Variants in CNTN5 observed in about 807,000 individuals in gnomAD.
CNTN5 encodes contactin-5.
Under a neutral mutation model 129.1 loss-of-function variants are expected in CNTN5, and 77 were observed. The ratio of observed to expected loss-of-function variants is 0.60; its 90% CI spans 0.50 to 0.72. The LOEUF (loss-of-function observed/expected upper bound fraction) is 0.72. Among genes scored for constraint, CNTN5 ranks in the 30% least tolerant of loss-of-function variants. The pLI is 0.00. For missense variants in CNTN5, 1,478 were observed against 1,328.8 expected (o/e 1.11, Z -1.75); for synonymous variants, 509 against 465.6 (o/e 1.09, Z -1.20).
intron 2 of CNTN5, among the ~76,000 whole-genome samples, chr11:99,505,050 C>T (rs980856931): frequency 2.0e-5 from 3 of 152,168 alleles, no homozygotes; most frequent in Non-Finnish European, 2.9e-5. Context: ...TTCTGGTTGA[C>T]TTTATGTCTA....
chr11:99,657,547 CAATT>C (rs1952422807), intron 3 of CNTN5, among the ~76,000 whole-genome samples: 1 of 152,014 alleles, frequency 6.6e-6, no homozygotes, highest in Non-Finnish European at 1.5e-5. Flanking sequence ...CCAGTAATGA[CAATT>C]TATTTAAAAA....
chr11:99,502,068 G>A (rs902900035), intron 2 of CNTN5, among the ~76,000 whole-genome samples: 3 of 151,948 alleles, frequency 2.0e-5, no homozygotes, highest in East Asian at 1.9e-4. Context: ...TCTAATCTTC[G>A]GCCTCATAAC....
At chr11:99,265,077 T>G (rs772167981) in intron 1 of CNTN5, among the ~76,000 whole-genome samples, 1 of 151,982 alleles carries the variant, frequency 6.6e-6, no homozygotes, top group African/African-American at 2.4e-5. Context: ...AAAACTTAGG[T>G]GTGCTCCATG....
At chr11:100,075,430 G>C (rs1944089675) in intron 13 of CNTN5, among the ~76,000 whole-genome samples, 1 of 152,108 alleles carries the variant, frequency 6.6e-6, no homozygotes. Context: ...GCTAACAAGA[G>C]AAAAACATAA....
intron 1 of CNTN5, among the ~76,000 whole-genome samples, chr11:99,247,428 C>G (rs962629538): frequency 6.6e-6 from 1 of 151,640 alleles, no homozygotes; most frequent in African/African-American, 2.4e-5. Context: ...AAATATACAG[C>G]CTTTGTAAGC....
At chr11:99,038,264 A>G (rs1030625236) in intron 1 of CNTN5, among the ~76,000 whole-genome samples, 2 of 152,182 alleles carry the variant, frequency 1.3e-5, no homozygotes, top group African/African-American at 2.4e-5. Flanking sequence ...TAAAGAAATT[A>G]TGATAAAAGT....
chr11:99,231,710 T>G (rs556502285), intron 1 of CNTN5, among the ~76,000 whole-genome samples: 1 of 152,322 alleles, frequency 6.6e-6, no homozygotes, highest in South Asian at 2.1e-4. Context: ...ATTTTTGTCA[T>G]GAAATCTTTG....
At chr11:99,841,582 A>G (rs1033226251) in intron 4 of CNTN5, among the ~76,000 whole-genome samples, 13 of 151,460 alleles carry the variant, frequency 8.6e-5, no homozygotes, top group South Asian at 6.2e-4. Context: ...AGTGAGAAAA[A>G]GGGGAGGAGG....
intron 1 of CNTN5, among the ~76,000 whole-genome samples, chr11:99,199,194 C>CTTCAAAAATTT (rs1162215982): frequency 6.6e-6 from 1 of 151,996 alleles, no homozygotes; most frequent in Non-Finnish European, 1.5e-5. Flanking sequence ...ACATCAAAGT[C>CTTCAAAAATTT]TTCAAAAATT....
chr11:99,874,106 T>TA (rs1313552086), intron 6 of CNTN5, among the ~76,000 whole-genome samples: 1 of 152,136 alleles, frequency 6.6e-6, no homozygotes, highest in Non-Finnish European at 1.5e-5. Context: ...CTACCAGGTA[T>TA]AATGTTCACT....
At chr11:99,673,029 T>A (rs183940324) in intron 3 of CNTN5, among the ~76,000 whole-genome samples, 34 of 152,228 alleles carry the variant, frequency 2.2e-4, no homozygotes, top group Admixed American at 1.6e-3. Context: ...CCTTACAGAA[T>A]GGCCATTGAC....
At chr11:99,616,200 C>T (rs567035445) in intron 3 of CNTN5, among the ~76,000 whole-genome samples, 18 of 152,166 alleles carry the variant, frequency 1.2e-4, no homozygotes, top group Non-Finnish European at 2.6e-4. Flanking sequence ...TATAAGTCCG[C>T]TCTGTTCCCT....
chr11:99,515,392 C>T (rs761412690), intron 2 of CNTN5, among the ~76,000 whole-genome samples: 10 of 151,984 alleles, frequency 6.6e-5, no homozygotes, highest in Non-Finnish European at 1.3e-4. Flanking sequence ...GAAATACTAG[C>T]TATGGGATTC....
intron 13 of CNTN5, among the ~76,000 whole-genome samples, chr11:100,084,679 G>GAGGT (rs773213930): frequency 2.6e-5 from 4 of 151,954 alleles, no homozygotes; most frequent in Admixed American, 6.6e-5. Flanking sequence ...GAAAAAAAAA[G>GAGGT]AGGTAGGTAG....
intron 1 of CNTN5, among the ~76,000 whole-genome samples, chr11:99,156,658 G>A (rs775373989): frequency 6.6e-6 from 1 of 151,752 alleles, no homozygotes; most frequent in Non-Finnish European, 1.5e-5. Context: ...TTATATATCT[G>A]TTAACCTTTT....
chr11:100,139,762 G>T (rs1002812271), intron 13 of CNTN5, among the ~76,000 whole-genome samples: 6 of 152,190 alleles, frequency 3.9e-5, no homozygotes, highest in African/African-American at 1.4e-4. Flanking sequence ...TACTCGGGAG[G>T]CTGAGGCAGG....
intron 13 of CNTN5, among the ~76,000 whole-genome samples, chr11:100,151,446 G>C (rs1947051542): frequency 6.6e-6 from 1 of 152,006 alleles, no homozygotes; most frequent in Admixed American, 6.6e-5. Context: ...GGAGATTATA[G>C]AAACTCTAGT....
At position 99,466,173 on chromosome 11, in the gene CNTN5, T is replaced by C. The variant is rs1591108658; in HGVS notation, c.-70-89972T>C. On this transcript the variant is annotated intron_variant, in intron 2 of 24. Coordinates refer to ENST00000524871, the MANE Select transcript of CNTN5 (RefSeq NM_014361.4). Reference sequence around the variant, plus strand: ...CTGGGATTACAGGCTTGAGCCACTGTGCCCGGCTGATGTCACTTTTAAACA... The same window carrying C: ...CTGGGATTACAGGCTTGAGCCACTGCGCCCGGCTGATGTCACTTTTAAACA... Among the ~76,000 whole-genome samples the C allele has an allele frequency of 5.3e-5, 8 of 152,202 alleles. No individual in the cohort carries two copies. In the South Asian group the frequency reaches 1.7e-3, roughly 32 times the overall value.
At chr11:99,864,178 T>C (rs1948292171) in intron 6 of CNTN5, among the ~76,000 whole-genome samples, 1 of 152,180 alleles carries the variant, frequency 6.6e-6, no homozygotes, top group African/African-American at 2.4e-5. Flanking sequence ...AAGAATATTA[T>C]AGTCACTTAT....
Sources: allele counts gnomAD v4.1 joint callset (sites outside exome capture counted in the v4.1 genomes callset), GRCh38; gene constraint gnomAD v4.1.1; transcripts MANE v1.5; gene names NCBI Gene and HGNC (gene_info 2026-07-23, HGNC 2026-07-21).